PRKN: variants seen among roughly 807,000 people sequenced by gnomAD.
PRKN encodes parkin RBR E3 ubiquitin protein ligase.
PRKN carries 56 observed loss-of-function variants against 59.5 expected under a neutral mutation model. The ratio of observed to expected loss-of-function variants is 0.94; its 90% CI spans 0.76 to 1.18. PRKN has a LOEUF of 1.18. Among genes scored for constraint, PRKN ranks in the 50% most tolerant of loss-of-function variants. PRKN has a pLI of 0.00. For synonymous variants in PRKN, 250 were observed against 222.1 expected (o/e 1.13, Z -1.12); for missense variants, 657 against 596.4 (o/e 1.10, Z -1.06).
chr6:161,619,347 C>T (rs1451313380), intron 7 of PRKN, among the ~76,000 whole-genome samples: 19 of 130,932 alleles, frequency 1.5e-4, no homozygotes, highest in Non-Finnish European at 2.5e-4. Context: ...TTTTCTTCTC[C>T]TTACTTTCCT....
chr6:162,172,840 C>T (rs77333527), intron 4 of PRKN, among the ~76,000 whole-genome samples: 1,609 of 152,156 alleles, frequency 0.011, 27 homozygotes, highest in African/African-American at 0.037. Context: ...GGTGGTATCT[C>T]CATGAAATCT....
At chr6:162,627,087 T>C (rs560195700) in intron 1 of PRKN, among the ~76,000 whole-genome samples, 25 of 152,272 alleles carry the variant, frequency 1.6e-4, no homozygotes, top group African/African-American at 5.3e-4. Context: ...GAGACTGAGA[T>C]GCAACCACAT....
At chr6:162,166,376 G>T (rs939268176) in intron 4 of PRKN, among the ~76,000 whole-genome samples, 1 of 152,170 alleles carries the variant, frequency 6.6e-6, no homozygotes, top group African/African-American at 2.4e-5. Context: ...TTCTGCCCCT[G>T]CTGGGTGGAG....
intron 1 of PRKN, among the ~76,000 whole-genome samples, chr6:162,618,278 T>C (rs1782512882): frequency 6.6e-6 from 1 of 152,080 alleles, no homozygotes; most frequent in Non-Finnish European, 1.5e-5. Flanking sequence ...AATGCATGGA[T>C]AATGGTGAGC....
intron 4 of PRKN, among the ~76,000 whole-genome samples, chr6:162,110,946 G>C (rs1780405050): frequency 6.6e-6 from 1 of 152,174 alleles, no homozygotes; most frequent in African/African-American, 2.4e-5. Context: ...ACGTCTTTAA[G>C]TATGTCAGAG....
At chr6:162,297,050 G>C (rs1781707048) in intron 2 of PRKN, among the ~76,000 whole-genome samples, 1 of 152,198 alleles carries the variant, frequency 6.6e-6, no homozygotes, top group South Asian at 2.1e-4. Context: ...TGGTTAACTA[G>C]AAAAGGCCCA....
chr6:161,516,524 A>G (rs1318544915), intron 9 of PRKN, among the ~76,000 whole-genome samples: 1 of 145,468 alleles, frequency 6.9e-6, no homozygotes, highest in Non-Finnish European at 1.5e-5. Flanking sequence ...GAAGAAGAAG[A>G]AGAAGAAAAA....
chr6:162,556,009 C>CATTGG (rs1393843591), intron 1 of PRKN, among the ~76,000 whole-genome samples: 1 of 109,276 alleles, frequency 9.2e-6, no homozygotes, highest in Non-Finnish European at 2.0e-5. Flanking sequence ...AGTGAGAAAA[C>CATTGG]ATTGGAGAAC....
At chr6:162,212,794 A>G (rs1405591384) in intron 3 of PRKN, among the ~76,000 whole-genome samples, 1 of 152,206 alleles carries the variant, frequency 6.6e-6, no homozygotes, top group Non-Finnish European at 1.5e-5. Context: ...CTCCTAGGCT[A>G]TGAACCTGTA....
At chr6:162,512,553 A>G (rs141216005) in intron 1 of PRKN, among the ~76,000 whole-genome samples, 8 of 152,314 alleles carry the variant, frequency 5.3e-5, no homozygotes, top group African/African-American at 1.9e-4. Flanking sequence ...TGTTCTTTGC[A>G]GTTATTGTTA....
chr6:161,906,442 A>T (rs1174784704), intron 6 of PRKN, among the ~76,000 whole-genome samples: 1 of 151,918 alleles, frequency 6.6e-6, no homozygotes, highest in Non-Finnish European at 1.5e-5. Context: ...GGCACAGGAC[A>T]TGGCTTCTCA....
chr6:161,929,672 C>T (rs150574177), intron 6 of PRKN, among the ~76,000 whole-genome samples: 6 of 151,886 alleles, frequency 4.0e-5, no homozygotes, highest in African/African-American at 7.2e-5. Context: ...TACAGGCACA[C>T]GCCACCACAC....
Position 161,402,138 on chromosome 6 carries a change from C to T in PRKN, c.1084-15261G>A, listed in dbSNP as rs544683615. Among the ~76,000 whole-genome samples the T allele has an allele frequency of 1.7e-4, 26 of 152,198 alleles. No homozygotes were observed. Among genetic ancestry groups the T allele is most frequent in the African/African-American group, 5.8e-4 (24 of 41,522 alleles). On this transcript the variant is annotated intron_variant, in intron 9 of 11. Coordinates refer to ENST00000366898, the MANE Select transcript of PRKN (RefSeq NM_004562.3). The surrounding 1 kb of genome is among the most constrained non-coding windows in gnomAD (Gnocchi z 4.5). ...AGTGGCAGGCCAGGCTCTAAAGGCT[C>T]CTCTGGATGCCTGTTGGCCAAAGAT...
At chr6:161,623,638 T>G (rs1196575044) in intron 7 of PRKN, among the ~76,000 whole-genome samples, 2 of 152,214 alleles carry the variant, frequency 1.3e-5, no homozygotes, top group Admixed American at 1.3e-4. Flanking sequence ...CTTTTTAATC[T>G]GAAAGTCATG....
At chr6:161,789,193 A>G (rs1790543275) in intron 6 of PRKN, among the ~76,000 whole-genome samples, 1 of 152,182 alleles carries the variant, frequency 6.6e-6, no homozygotes, top group African/African-American at 2.4e-5. Context: ...TCACCTAAGG[A>G]AAGGAGTAAA....
At chr6:162,243,790 A>G (rs1183930886) in intron 3 of PRKN, among the ~76,000 whole-genome samples, 1 of 152,114 alleles carries the variant, frequency 6.6e-6, no homozygotes, top group Non-Finnish European at 1.5e-5. Context: ...CTAATTATTC[A>G]ATGCAAATTA....
intron 1 of PRKN, among the ~76,000 whole-genome samples, chr6:162,709,146 C>T (rs1042007637): frequency 6.6e-6 from 1 of 152,128 alleles, no homozygotes; most frequent in Non-Finnish European, 1.5e-5. Context: ...AGGGGCCCCA[C>T]TGATTCTACA....
intron 7 of PRKN, among the ~76,000 whole-genome samples, chr6:161,710,036 AT>A (rs1390624243): frequency 2.6e-5 from 4 of 152,154 alleles, no homozygotes; most frequent in Middle Eastern, 3.2e-3. Flanking sequence ...GGCTTCCATG[AT>A]TAAGTGTAAC....
chr6:161,722,414 T>C (rs1428923892), intron 7 of PRKN, among the ~76,000 whole-genome samples: 1 of 152,222 alleles, frequency 6.6e-6, no homozygotes, highest in Non-Finnish European at 1.5e-5. Context: ...CACTGTATTA[T>C]AATTTAGTTA....
Sources: allele counts gnomAD v4.1 joint callset (sites outside exome capture counted in the v4.1 genomes callset), GRCh38; gene constraint gnomAD v4.1.1; non-coding constraint Gnocchi (gnomAD v3.1); transcripts MANE v1.5; gene names NCBI Gene and HGNC (gene_info 2026-07-23, HGNC 2026-07-21).